The following PAPPA2 variants were observed in gnomAD, a reference collection of about 807,000 sequenced individuals.
PAPPA2 encodes pappalysin 2.
Under a neutral mutation model 176.4 loss-of-function variants are expected in PAPPA2, and 86 were observed. That is an observed-to-expected ratio of 0.49 (90% CI 0.41 to 0.58). PAPPA2 has a LOEUF of 0.58. PAPPA2 is among the 20% of genes least tolerant of loss of function. PAPPA2 has a pLI of 0.00. For synonymous variants in PAPPA2, 809 were observed against 852.2 expected (o/e 0.95, Z 0.88); for missense variants, 2,073 against 2,256.9 (o/e 0.92, Z 1.65).
chr1:176,464,148 T>A (rs2102455487), intron 1 of PAPPA2, among the ~76,000 whole-genome samples: 1 of 152,344 alleles, frequency 6.6e-6, no homozygotes, highest in East Asian at 1.9e-4. Context: ...ACAGTGTAGT[T>A]TGAATATAAA....
At chr1:176,566,333 T>G (rs571626581) in intron 2 of PAPPA2, among the ~76,000 whole-genome samples, 9 of 152,236 alleles carry the variant, frequency 5.9e-5, no homozygotes, top group African/African-American at 2.2e-4. Context: ...AAGAATGGCC[T>G]GTGATTATCC....
At chr1:176,773,956 G>GCCAGTCTC (rs1490173728) in intron 17 of PAPPA2, among the ~76,000 whole-genome samples, 2 of 152,098 alleles carry the variant, frequency 1.3e-5, no homozygotes, top group African/African-American at 4.8e-5. Context: ...CATGCTCTAT[G>GCCAGTCTC]CCAGTCTCTG....
At chr1:176,508,907 T>C (rs997378018) in intron 1 of PAPPA2, among the ~76,000 whole-genome samples, 3 of 152,196 alleles carry the variant, frequency 2.0e-5, no homozygotes, top group Admixed American at 2.0e-4. Flanking sequence ...TGTGGAACTG[T>C]GAATCAATTA....
intron 1 of PAPPA2, among the ~76,000 whole-genome samples, chr1:176,531,028 A>G (rs1649779479): frequency 6.6e-6 from 1 of 152,254 alleles, no homozygotes; most frequent in Non-Finnish European, 1.5e-5. Context: ...TAGTTCATAA[A>G]AGACAACCAA....
chr1:176,738,523 T>C (rs1662523139), intron 12 of PAPPA2, among the ~76,000 whole-genome samples: 2 of 152,152 alleles, frequency 1.3e-5, no homozygotes, highest in Non-Finnish European at 2.9e-5. Context: ...TGTCATTAGA[T>C]GTTGTACCCT....
chr1:176,808,294 C>T (rs541720173), intron 21 of PAPPA2, among the ~76,000 whole-genome samples: 1 of 152,270 alleles, frequency 6.6e-6, no homozygotes, highest in African/African-American at 2.4e-5. Flanking sequence ...ACCTCAGGTG[C>T]TTCTAATGCA....
At chr1:176,575,452 A>T (rs1470657451) in intron 2 of PAPPA2, among the ~76,000 whole-genome samples, 1 of 152,218 alleles carries the variant, frequency 6.6e-6, no homozygotes, top group Non-Finnish European at 1.5e-5. Flanking sequence ...TTTGTCACCC[A>T]GAGTGTAAAG....
At chr1:176,485,551 A>C (rs1163418366) in intron 1 of PAPPA2, among the ~76,000 whole-genome samples, 4 of 152,130 alleles carry the variant, frequency 2.6e-5, no homozygotes, top group Admixed American at 6.6e-5. Flanking sequence ...AGAATTGTTC[A>C]CCGACTTTAT....
chr1:176,475,770 G>A (rs1298544295), intron 1 of PAPPA2, among the ~76,000 whole-genome samples: 1 of 152,158 alleles, frequency 6.6e-6, no homozygotes, highest in East Asian at 1.9e-4. Context: ...TTGGAGGATG[G>A]GAGAGGGAAG....
chr1:176,617,288 C>G (rs1271371443), intron 3 of PAPPA2, among the ~76,000 whole-genome samples: 1 of 152,086 alleles, frequency 6.6e-6, no homozygotes, highest in African/African-American at 2.4e-5. Context: ...GGTCCTGAGG[C>G]AGCAGTGACA....
chr1:176,616,523 T>G, intron 3 of PAPPA2: 3 of 1,235,030 alleles, frequency 2.4e-6, no homozygotes, highest in Non-Finnish European at 3.5e-6. Context: ...AAAACTTAAT[T>G]TTTACAAAAT....
chr1:176,496,516 GAGGCCTGTGGCTCA>G (rs1647632486), intron 1 of PAPPA2, among the ~76,000 whole-genome samples: 1 of 152,054 alleles, frequency 6.6e-6, no homozygotes, highest in Non-Finnish European at 1.5e-5. Context: ...GTTCCTTTAC[GAGGCCTGTGGCTCA>G]GCAACAGGCC....
chr1:176,735,194 C>T (rs1558551060), intron 12 of PAPPA2, among the ~76,000 whole-genome samples: 1 of 152,094 alleles, frequency 6.6e-6, no homozygotes, highest in East Asian at 1.9e-4. Flanking sequence ...CGCAGTGGAC[C>T]CACCAGCAAA....
intron 3 of PAPPA2, among the ~76,000 whole-genome samples, chr1:176,659,318 G>A (rs942758672): frequency 6.6e-6 from 1 of 151,972 alleles, no homozygotes; most frequent in Non-Finnish European, 1.5e-5. Context: ...TCTGTCCCAG[G>A]CTCCGCTCCT....
At chr1:176,798,008 G>A (rs1665521621) in intron 20 of PAPPA2, among the ~76,000 whole-genome samples, 3 of 152,324 alleles carry the variant, frequency 2.0e-5, no homozygotes, top group African/African-American at 7.2e-5. Flanking sequence ...AGGAATGCTA[G>A]ATAGTCCCTA....
At chr1:176,695,603 G>A in intron 6 of PAPPA2, 135 bp from the exon 7 acceptor site, 2 of 973,392 alleles carry the variant, frequency 2.1e-6, no homozygotes, top group Non-Finnish European at 3.0e-6. Flanking sequence ...AGATACAGTT[G>A]TTCTTAGTTA....
Position 176,594,946 on chromosome 1 carries a change from G to A in PAPPA2, c.1342G>A (p.Glu448Lys). 1 of 1,614,244 alleles carries A rather than the reference G, an allele frequency of 6.2e-7. No homozygotes were observed. The highest frequency in any genetic ancestry group is 8.5e-7 in the Non-Finnish European group (1 of 1,180,042). ...GCACAGTTCTCAGCATTCAAGTGGGGAGGAGGAAGCGACTGACTTGGTCCT... is the reference window on the plus strand; with the variant it reads ...GCACAGTTCTCAGCATTCAAGTGGGAAGGAGGAAGCGACTGACTTGGTCCT... The part of the protein sequence containing the change: ...FQHSSQHSSG[E>K]EEATDLVLTA... Residue 448 changes from glutamate (E) to lysine (K), a missense_variant, in exon 3 of 23, where the codon GAG (glutamate) becomes AAG (lysine). Transcript: ENST00000367662.
intron 17 of PAPPA2, among the ~76,000 whole-genome samples, chr1:176,774,556 G>A (rs1489600718): frequency 6.6e-6 from 1 of 152,078 alleles, no homozygotes; most frequent in African/African-American, 2.4e-5. Context: ...TACTGACTCA[G>A]ATATGCTTGT....
intron 1 of PAPPA2, among the ~76,000 whole-genome samples, chr1:176,482,490 G>A (rs527948868): frequency 6.6e-6 from 1 of 152,184 alleles, no homozygotes; most frequent in Non-Finnish European, 1.5e-5. Context: ...GGTTGTAAGT[G>A]AAGATCATTA....
Sources: gnomAD v4.1 joint callset for allele counts (sites outside exome capture counted in the v4.1 genomes callset) on GRCh38, gnomAD v4.1.1 for gene constraint, MANE v1.5 for transcripts, NCBI Gene and HGNC (gene_info 2026-07-23, HGNC 2026-07-21) for gene names.